The following IPP variants were observed in gnomAD, a reference collection of about 807,000 sequenced individuals.
The protein encoded by IPP is actin-binding protein IPP.
A neutral mutation model predicts 64.1 loss-of-function variants in IPP; 41 were observed. The observed-to-expected ratio is 0.64, with a 90% CI of 0.50 to 0.83. IPP has a LOEUF of 0.83. IPP is among the 40% of genes least tolerant of loss of function. The pLI, the probability that IPP is intolerant of heterozygous loss-of-function variation, is 0.00. For synonymous variants in IPP, 214 were observed against 235.2 expected (o/e 0.91, Z 0.83); for missense variants, 649 against 703.0 (o/e 0.92, Z 0.87).
chr1:45,722,215 C>G (rs1025959060), intron 5 of IPP, among the ~76,000 whole-genome samples: 5 of 152,028 alleles, frequency 3.3e-5, no homozygotes, highest in Admixed American at 2.0e-4. Flanking sequence ...GACTGAGCCA[C>G]TGCCCTCTAG....
chr1:45,736,172 AGTCTCAAACTCCTG>A (rs1292435852), intron 3 of IPP, among the ~76,000 whole-genome samples: 1 of 151,854 alleles, frequency 6.6e-6, no homozygotes, highest in Non-Finnish European at 1.5e-5. Flanking sequence ...AGCCCAGGCT[AGTCTCAAACTCCTG>A]GTCTCAAGTG....
chr1:45,727,906 T>G, intron 4 of IPP, 108 bp from the exon 5 acceptor site: 1 of 750,776 alleles, frequency 1.3e-6, no homozygotes. Flanking sequence ...TTACTTTCTC[T>G]ATATACATAT....
At chr1:45,719,144 A>G (rs1217954092) in intron 6 of IPP, 59 bp downstream of exon 6, 8 of 1,549,624 alleles carry the variant, frequency 5.2e-6, no homozygotes, top group African/African-American at 1.4e-5. Context: ...ATCCACAAAA[A>G]TGAAAATTAA....
chr1:45,707,996 T>C (rs540129804), intron 8 of IPP, among the ~76,000 whole-genome samples: 1 of 151,928 alleles, frequency 6.6e-6, no homozygotes, highest in East Asian at 1.9e-4. Flanking sequence ...AAATTACTAC[T>C]GACTACTTGT....
intron 5 of IPP, among the ~76,000 whole-genome samples, chr1:45,722,954 AC>A (rs557051363): frequency 8.3e-4 from 126 of 152,374 alleles, no homozygotes; most frequent in Non-Finnish European, 1.1e-3. Context: ...ATTAGCGGTT[AC>A]TAGGGTTTAG....
intron 8 of IPP, 21 bp downstream of exon 8, chr1:45,714,225 A>G: frequency 6.6e-7 from 1 of 1,505,654 alleles, no homozygotes; most frequent in South Asian, 1.1e-5. Context: ...GATACTAAAT[A>G]TCTGAAATCA....
chr1:45,746,549 A>T, intron 1 of IPP, 88 bp from the exon 2 acceptor site: 1 of 606,790 alleles, frequency 1.6e-6, no homozygotes, highest in East Asian at 2.8e-5. Flanking sequence ...CTATACTTAA[A>T]ATCTACTTAA....
At chr1:45,722,820 A>T (rs1433921389) in intron 5 of IPP, among the ~76,000 whole-genome samples, 1 of 152,248 alleles carries the variant, frequency 6.6e-6, no homozygotes, top group Non-Finnish European at 1.5e-5. Context: ...TTATTCAGTC[A>T]TAAAAAGAAA....
chr1:45,740,838 C>T (rs1029316322), intron 3 of IPP, 63 bp downstream of exon 3: 2 of 1,057,858 alleles, frequency 1.9e-6, no homozygotes, highest in Admixed American at 2.6e-5. Context: ...CACTCTCCCA[C>T]ATTTCAGAGA....
intron 8 of IPP, among the ~76,000 whole-genome samples, chr1:45,704,118 G>C (rs1294699926): frequency 1.3e-5 from 2 of 152,148 alleles, no homozygotes; most frequent in African/African-American, 4.8e-5. Context: ...AATTCACCTA[G>C]GCAGTGACTG....
chr1:45,698,964 T>A lies in IPP; in HGVS notation c.*1002A>T. The A allele has an allele frequency of 1.2e-6, 1 of 806,568 alleles. No individual in the cohort carries two copies. Among genetic ancestry groups the A allele is most frequent in the Non-Finnish European group, 1.5e-6 (1 of 666,724 alleles). The allele number at this position is 806,568 out of a possible 1,614,324, so 50.0% of individuals were successfully genotyped here. ...CTCGAACTCCTGAGTTCAAGCCATC[T>A]TCCCGTCTCACCTCGGCCTCTCAAA... On this transcript the variant is annotated 3_prime_UTR_variant, in exon 9 of 9. Coordinates refer to ENST00000396478, the MANE Select transcript of IPP (RefSeq NM_005897.3).
rs1646134992 is a variant in IPP, at chr1:45,746,452, T to C, written c.-41A>G. 1 of 1,512,368 alleles carries C rather than the reference T, an allele frequency of 6.6e-7. No individual in the cohort carries two copies. The highest frequency in any genetic ancestry group is 1.4e-5 in the African/African-American group (1 of 72,188). 93.7% of individuals were successfully genotyped at this position (1,512,368 alleles called of 1,614,324 possible). A position where few individuals can be genotyped will look rare whatever the true frequency, so the allele number is the denominator to read the frequency against. On this transcript the variant is annotated 5_prime_UTR_variant, in exon 2 of 9. Coordinates refer to ENST00000396478, the MANE Select transcript of IPP (RefSeq NM_005897.3). ...ATTAAAAGGACTGTTGCCCATAATC[T>C]GTTACTACCCTGAAAAACAAAATAC...
intron 5 of IPP, among the ~76,000 whole-genome samples, chr1:45,720,770 C>T (rs928865291): frequency 3.3e-5 from 5 of 152,138 alleles, no homozygotes; most frequent in Non-Finnish European, 5.9e-5. Context: ...ATCTTTCATG[C>T]TAGAATAATT....
rs769163986 is a variant in IPP, at chr1:45,711,461, GA to G, written c.1530+2784del. On this transcript the variant is annotated intron_variant, in intron 8 of 8. Transcript: ENST00000396478. Reference sequence around the variant, plus strand: ...TATACCATGAAAACACTAATGAAAAGAAAGCTTAGAGGCTGGGTGCAATGGC... The same window carrying G: ...TATACCATGAAAACACTAATGAAAAGAAGCTTAGAGGCTGGGTGCAATGGC... 2.7e-5 allele frequency among the ~76,000 whole-genome samples: 4 copies of G among 150,784 alleles called. No homozygotes were observed. The East Asian group carries it at 8.0e-4, about 30-fold the overall frequency.
intron 6 of IPP, among the ~76,000 whole-genome samples, chr1:45,718,918 A>AT (rs934517531): frequency 2.0e-5 from 3 of 151,582 alleles, no homozygotes; most frequent in Admixed American, 6.6e-5. Flanking sequence ...AAAAAAAAAA[A>AT]GAATGAATAA....
intron 8 of IPP, among the ~76,000 whole-genome samples, chr1:45,706,092 G>C (rs1481194964): frequency 6.6e-6 from 1 of 152,142 alleles, no homozygotes; most frequent in African/African-American, 2.4e-5. Context: ...CGTGGGTACA[G>C]GCAAAGGACA....
chr1:45,703,519 C>T (rs900107304), intron 8 of IPP, among the ~76,000 whole-genome samples: 4 of 151,004 alleles, frequency 2.6e-5, no homozygotes, highest in Non-Finnish European at 4.4e-5. Flanking sequence ...ATCCACAGAA[C>T]AAAGCAAGGG....
In IPP at chr1:45,727,021, C is replaced by T. The variant is rs775333272; in HGVS notation, c.1048+610G>A. 4.6e-5 allele frequency among the ~76,000 whole-genome samples: 7 copies of T among 152,094 alleles called. No homozygotes were observed. In the East Asian group the frequency reaches 5.8e-4, roughly 13 times the overall value. ...GAGGGATTACAGGCATGAGCCACTA[C>T]GCCAGGCAGGTGCCATATTCTATAA... On this transcript the variant is annotated intron_variant, in intron 5 of 8. Transcript: ENST00000396478.
At chr1:45,721,000 A>C (rs532510507) in intron 5 of IPP, among the ~76,000 whole-genome samples, 2 of 152,346 alleles carry the variant, frequency 1.3e-5, no homozygotes, top group East Asian at 3.9e-4. Flanking sequence ...GACTACACTA[A>C]AATTAAAAAT....
Sources: allele counts gnomAD v4.1 joint callset (sites outside exome capture counted in the v4.1 genomes callset), GRCh38; gene constraint gnomAD v4.1.1; transcripts MANE v1.5; gene names NCBI Gene and HGNC (gene_info 2026-07-23, HGNC 2026-07-21).